CLINT1: variants seen among roughly 807,000 people sequenced by gnomAD.
CLINT1 encodes clathrin interacting protein localized in the trans-Golgi region.
CLINT1 carries 15 observed loss-of-function variants against 70.4 expected under a neutral mutation model. The observed-to-expected ratio is 0.21, with a 90% CI of 0.14 to 0.33. The LOEUF is 0.33. CLINT1 is among the 10% of genes least tolerant of loss of function. The pLI is 1.00. For missense variants in CLINT1, 615 were observed against 778.1 expected (o/e 0.79, Z 2.49); for synonymous variants, 227 against 254.7 (o/e 0.89, Z 1.04).
intron 5 of CLINT1, among the ~76,000 whole-genome samples, chr5:157,811,534 AAAAAAAAAAAG>A (rs1762557937): frequency 6.6e-6 from 1 of 151,880 alleles, no homozygotes; most frequent in Non-Finnish European, 1.5e-5. Flanking sequence ...ATCCTCAAAA[AAAAAAAAAAAG>A]AAAAGAAAAA....
chr5:157,859,025 G>A lies in CLINT1; in HGVS notation c.-55C>T, dbSNP rs949154823. ...CCCTCTCCTGCTCCCCACGGACCCC[G>A]GAACACTTCCGTACCGGGGCAGTTC... On this transcript the variant is annotated 5_prime_UTR_variant, in exon 1 of 12. Coordinates refer to ENST00000411809, the MANE Select transcript of CLINT1 (RefSeq NM_014666.4). 75 of 1,601,816 alleles carry A rather than the reference G, an allele frequency of 4.7e-5. No individual in the cohort carries two copies. In the East Asian group the frequency reaches 8.6e-4, roughly 18 times the overall value.
intron 8 of CLINT1, 178 bp from the exon 9 acceptor site, chr5:157,795,150 CAT>C (rs1762029549): frequency 1.3e-5 from 8 of 601,266 alleles, no homozygotes; most frequent in Non-Finnish European, 2.4e-5. Flanking sequence ...TATGAGCTAC[CAT>C]AGACTCTTTT....
At chr5:157,836,618 C>T (rs758595169) in intron 1 of CLINT1, among the ~76,000 whole-genome samples, 7 of 152,208 alleles carry the variant, frequency 4.6e-5, no homozygotes, top group Non-Finnish European at 8.8e-5. Context: ...CACACAGTGG[C>T]TTACAAACCT....
intron 1 of CLINT1, among the ~76,000 whole-genome samples, chr5:157,820,333 C>T (rs73293422): frequency 2.7e-3 from 404 of 152,266 alleles, no homozygotes; most frequent in African/African-American, 7.1e-3. Context: ...CCTGTGGTCC[C>T]AGCTTCTCAG....
chr5:157,786,223 A>G lies in CLINT1; in HGVS notation c.*1423T>C, dbSNP rs1318934095. On this transcript the variant is annotated 3_prime_UTR_variant, in exon 12 of 12. Transcript: ENST00000411809. ...TTATAAAAATTACTTTGCCCAAACT[A>G]TAATTATTTTTTCCCCAAATGGTCT... The G allele has an allele frequency of 1.3e-5, 2 of 152,206 alleles. No homozygotes were observed. Among genetic ancestry groups the G allele is most frequent in the Non-Finnish European group, 2.9e-5 (2 of 68,020 alleles). The allele number at this position is 152,206 out of a possible 1,614,324, so 9.4% of individuals were successfully genotyped here.
In CLINT1 at chr5:157,806,010, C is replaced by T. The variant is rs753317970; in HGVS notation, c.798G>A (p.Gln266=). The T allele has an allele frequency of 2.2e-5, 35 of 1,613,676 alleles. No individual in the cohort carries two copies. The South Asian group carries it at 3.7e-4, about 17-fold the overall frequency. ...GTCTGGTTGTGGTGGTCTCTGTGGC[C>T]TGTGTGATATGAATATGCTTTGTCG... is the stretch of plus-strand genomic sequence containing the variant. The part of the protein sequence containing the change: ...TVTTKHIHIT[Q]ATETTTTRHK... Residue 266 remains glutamine, a synonymous_variant, in exon 7 of 12, where the codon CAG becomes CAA. Coordinates refer to ENST00000411809, the MANE Select transcript of CLINT1 (RefSeq NM_014666.4).
intron 1 of CLINT1, among the ~76,000 whole-genome samples, chr5:157,831,799 T>G (rs547451011): frequency 6.6e-6 from 1 of 150,920 alleles, no homozygotes; most frequent in South Asian, 2.1e-4. Context: ...GTTCAAGCGA[T>G]TCCCATCTTA....
At chr5:157,852,874 CAT>C (rs1280594338) in intron 1 of CLINT1, among the ~76,000 whole-genome samples, 1 of 152,270 alleles carries the variant, frequency 6.6e-6, no homozygotes, top group Non-Finnish European at 1.5e-5. Flanking sequence ...GGAAAGCTCA[CAT>C]GAAGCGTTAA....
At chr5:157,825,390 C>T (rs1165422971) in intron 1 of CLINT1, among the ~76,000 whole-genome samples, 1 of 152,044 alleles carries the variant, frequency 6.6e-6, no homozygotes, top group Non-Finnish European at 1.5e-5. Context: ...ATATTATACC[C>T]TATCTTTTAG....
At chr5:157,839,135 G>A (rs370026585) in intron 1 of CLINT1, among the ~76,000 whole-genome samples, 4 of 152,108 alleles carry the variant, frequency 2.6e-5, no homozygotes, top group Admixed American at 2.6e-4. Context: ...AGGCTGAGGT[G>A]GGAGGATCAC....
At chr5:157,852,598 T>C (rs929914112) in intron 1 of CLINT1, among the ~76,000 whole-genome samples, 7 of 152,246 alleles carry the variant, frequency 4.6e-5, no homozygotes, top group Non-Finnish European at 7.3e-5. Context: ...TCAAGTACTA[T>C]ACTGTTTCAC....
chr5:157,804,930 A>G (rs1056357644), intron 7 of CLINT1, among the ~76,000 whole-genome samples: 2 of 142,000 alleles, frequency 1.4e-5, no homozygotes, highest in African/African-American at 5.1e-5. Context: ...TCGGTCTTCC[A>G]AAAAAAGAAA....
chr5:157,802,385 A>C (rs887910840), intron 8 of CLINT1, among the ~76,000 whole-genome samples: 1 of 152,200 alleles, frequency 6.6e-6, no homozygotes, highest in Non-Finnish European at 1.5e-5. Flanking sequence ...TTAAAACTCC[A>C]TAATCATCAA....
intron 1 of CLINT1, among the ~76,000 whole-genome samples, chr5:157,830,788 C>CTATATA (rs1191312913): frequency 1.5e-4 from 19 of 128,898 alleles, no homozygotes; most frequent in Middle Eastern, 3.9e-3. Flanking sequence ...CTCTCTCTCT[C>CTATATA]TCTCTCTCTA....
At chr5:157,842,293 A>G (rs1029732176) in intron 1 of CLINT1, among the ~76,000 whole-genome samples, 2 of 152,216 alleles carry the variant, frequency 1.3e-5, no homozygotes, top group Admixed American at 6.5e-5. Context: ...TTAAGTACTT[A>G]TAAGTAAAAA....
At chr5:157,858,768 CGGGGATGA>C (rs1337178059) in intron 1 of CLINT1, among the ~76,000 whole-genome samples, 154 bp downstream of exon 1, 2 of 152,126 alleles carry the variant, frequency 1.3e-5, no homozygotes, top group African/African-American at 4.8e-5. Context: ...GCCTCGCCAG[CGGGGATGA>C]GGCCCGGGGC....
At chr5:157,828,927 TAA>T (rs11379662) in intron 1 of CLINT1, among the ~76,000 whole-genome samples, 10 of 103,352 alleles carry the variant, frequency 9.7e-5, no homozygotes, top group Admixed American at 2.1e-4. Flanking sequence ...TGTCTCTACT[TAA>T]AAAAAAAAAA....
intron 6 of CLINT1, among the ~76,000 whole-genome samples, chr5:157,806,398 T>TTTTG (rs10668306): frequency 0.13 from 20,347 of 152,178 alleles, 1,780 homozygotes; most frequent in African/African-American, 0.25. Context: ...AATAACTCGT[T>TTTTG]TTTATTACAG....
chr5:157,788,057 A>G, intron 11 of CLINT1, 65 bp from the exon 12 acceptor site: 1 of 1,214,678 alleles, frequency 8.2e-7, no homozygotes, highest in Non-Finnish European at 1.2e-6. Flanking sequence ...AGAACAGAGA[A>G]CTAATAACTT....
Sources: gnomAD v4.1 joint callset for allele counts (sites outside exome capture counted in the v4.1 genomes callset) on GRCh38, gnomAD v4.1.1 for gene constraint, MANE v1.5 for transcripts, NCBI Gene and HGNC (gene_info 2026-07-23, HGNC 2026-07-21) for gene names.